The following UNC5C variants were observed in gnomAD, a reference collection of about 807,000 sequenced individuals.
UNC5C encodes netrin receptor UNC5C.
Under a neutral mutation model 99.8 loss-of-function variants are expected in UNC5C, and 47 were observed. The observed-to-expected ratio is 0.47, with a 90% CI of 0.37 to 0.60. The LOEUF (loss-of-function observed/expected upper bound fraction) is 0.60. UNC5C is among the 20% of genes least tolerant of loss of function. UNC5C has a pLI of 0.00. For synonymous variants in UNC5C, 487 were observed against 452.2 expected, an observed-to-expected ratio of 1.08 and a Z score of -0.98; for missense variants, 1,062 against 1,165.9, an observed-to-expected ratio of 0.91 and a Z score of 1.30.
intron 3 of UNC5C, among the ~76,000 whole-genome samples, chr4:95,289,174 C>G (rs2865434): frequency 0.66 from 99,941 of 152,108 alleles, 33,824 homozygotes; most frequent in African/African-American, 0.83. Flanking sequence ...AAAGAGTCCT[C>G]TGTCAATGTA....
chr4:95,259,048 A>T (rs1053256520), intron 4 of UNC5C, among the ~76,000 whole-genome samples: 1 of 151,906 alleles, frequency 6.6e-6, no homozygotes, highest in African/African-American at 2.4e-5. Context: ...GGCGTGAGCC[A>T]CCGCGCCCGG....
At chr4:95,475,556 T>C (rs1748119292) in intron 1 of UNC5C, among the ~76,000 whole-genome samples, 12 of 151,966 alleles carry the variant, frequency 7.9e-5, no homozygotes, top group Admixed American at 7.9e-4. Context: ...GATGGATAGA[T>C]AGATAGATAT....
chr4:95,399,637 T>A (rs1745630217), intron 1 of UNC5C, among the ~76,000 whole-genome samples: 1 of 152,230 alleles, frequency 6.6e-6, no homozygotes, highest in Non-Finnish European at 1.5e-5. Context: ...CCTTTGCTCT[T>A]GTGTTCACTC....
At chr4:95,468,402 G>A (rs776918532) in intron 1 of UNC5C, among the ~76,000 whole-genome samples, 2 of 152,020 alleles carry the variant, frequency 1.3e-5, no homozygotes, top group Non-Finnish European at 2.9e-5. Context: ...TGGCATGGTG[G>A]CTATTAGCTA....
chr4:95,442,569 C>A (rs953168050), intron 1 of UNC5C, among the ~76,000 whole-genome samples: 1 of 151,818 alleles, frequency 6.6e-6, no homozygotes, highest in African/African-American at 2.4e-5. Context: ...TGGGCTCAAG[C>A]AGTCCTCTCA....
At chr4:95,364,198 A>C (rs558894893) in intron 1 of UNC5C, among the ~76,000 whole-genome samples, 1 of 152,268 alleles carries the variant, frequency 6.6e-6, no homozygotes, top group South Asian at 2.1e-4. Flanking sequence ...AGCTGGCAAA[A>C]TACAACACTG....
chr4:95,414,288 G>A (rs1302217633), intron 1 of UNC5C, among the ~76,000 whole-genome samples: 1 of 151,732 alleles, frequency 6.6e-6, no homozygotes, highest in Non-Finnish European at 1.5e-5. Context: ...AAAAGAAGAT[G>A]GAGGGTCATA....
chr4:95,539,048 A>G (rs1406805181), intron 1 of UNC5C, among the ~76,000 whole-genome samples: 1 of 152,234 alleles, frequency 6.6e-6, no homozygotes, highest in Non-Finnish European at 1.5e-5. Context: ...TATTCTGGTC[A>G]GAGAAGAACA....
At chr4:95,346,113 C>T (rs1743762057) in intron 1 of UNC5C, among the ~76,000 whole-genome samples, 1 of 151,734 alleles carries the variant, frequency 6.6e-6, no homozygotes, top group African/African-American at 2.4e-5. Flanking sequence ...ACACCTGATA[C>T]TATAGAAATT....
intron 1 of UNC5C, among the ~76,000 whole-genome samples, chr4:95,416,581 T>G (rs959571873): frequency 2.0e-5 from 3 of 152,212 alleles, no homozygotes; most frequent in Non-Finnish European, 4.4e-5. Flanking sequence ...AGGTATTATT[T>G]GATTCAGGTT....
chr4:95,376,669 G>C (rs1744903994), intron 1 of UNC5C, among the ~76,000 whole-genome samples: 1 of 152,064 alleles, frequency 6.6e-6, no homozygotes, highest in Admixed American at 6.6e-5. Flanking sequence ...TTTGACATAA[G>C]GGTTAAAGTT....
At chr4:95,298,617 C>G (rs1220427221) in intron 3 of UNC5C, among the ~76,000 whole-genome samples, 1 of 152,116 alleles carries the variant, frequency 6.6e-6, no homozygotes, top group East Asian at 1.9e-4. Flanking sequence ...CACTCCCTCC[C>G]AGCCCTACAA....
At chr4:95,405,532 T>C (rs1236040287) in intron 1 of UNC5C, among the ~76,000 whole-genome samples, 3 of 152,236 alleles carry the variant, frequency 2.0e-5, no homozygotes, top group Non-Finnish European at 4.4e-5. Flanking sequence ...TCCTCCTTGC[T>C]AGTTGCTGCG....
intron 4 of UNC5C, among the ~76,000 whole-genome samples, chr4:95,274,422 C>T (rs2149392482): frequency 6.6e-6 from 1 of 152,152 alleles, no homozygotes; most frequent in East Asian, 1.9e-4. Flanking sequence ...GGAATAAAGT[C>T]CCCAGATATA....
At position 95,220,019 on chromosome 4, in the gene UNC5C, G is replaced by A; in HGVS notation, c.1266C>T (p.Gly422=). The A allele has an allele frequency of 6.2e-7, 1 of 1,614,026 alleles. No individual in the cohort carries two copies. Among genetic ancestry groups the A allele is most frequent in the Non-Finnish European group, 8.5e-7 (1 of 1,179,930 alleles). The change falls in exon 8 of 16, where the codon GGC becomes GGT. Residue 422 remains glycine (G), a synonymous_variant. Transcript: ENST00000453304. The stretch of plus-strand genomic sequence containing the variant: ...CTGCCTTGATGTTCACAGGCTGAAA[G>A]CCCCCATTGAGTGCCGAAGAGTCAA... The part of the protein sequence containing the change: ...DIIDSSALNG[G]FQPVNIKAAR...
chr4:95,333,696 A>G (rs1193725559), intron 2 of UNC5C, among the ~76,000 whole-genome samples: 1 of 152,172 alleles, frequency 6.6e-6, no homozygotes, highest in Admixed American at 6.6e-5. Flanking sequence ...CATTGTGCAC[A>G]TGTACCCTAA....
At chr4:95,435,657 C>T (rs1208144245) in intron 1 of UNC5C, among the ~76,000 whole-genome samples, 1 of 151,962 alleles carries the variant, frequency 6.6e-6, no homozygotes, top group Non-Finnish European at 1.5e-5. Flanking sequence ...CATACCCATC[C>T]ACATCTGGTG....
chr4:95,245,968 T>A (rs1739489718), intron 5 of UNC5C, among the ~76,000 whole-genome samples: 1 of 152,226 alleles, frequency 6.6e-6, no homozygotes, highest in Admixed American at 6.5e-5. Context: ...AACTAGTATA[T>A]GCATCTGTTT....
At chr4:95,511,772 C>T (rs576634879) in intron 1 of UNC5C, among the ~76,000 whole-genome samples, 41 of 151,822 alleles carry the variant, frequency 2.7e-4, no homozygotes, top group African/African-American at 9.4e-4. Flanking sequence ...AGAAAGATGT[C>T]GACATTCAGA....
Sources: allele counts gnomAD v4.1 joint callset (sites outside exome capture counted in the v4.1 genomes callset), GRCh38; gene constraint gnomAD v4.1.1; transcripts MANE v1.5; gene names NCBI Gene and HGNC (gene_info 2026-07-23, HGNC 2026-07-21).